Variants in TCOF1 observed in about 807,000 individuals in gnomAD.
TCOF1 encodes the protein treacle protein.
A neutral mutation model predicts 149.0 loss-of-function variants in TCOF1; 33 were observed. The ratio of observed to expected loss-of-function variants is 0.22; its 90% CI spans 0.17 to 0.30. The LOEUF is 0.30. Ranked by LOEUF, TCOF1 falls within the 10% of genes least tolerant of loss-of-function variation. The pLI is 1.00. For synonymous variants in TCOF1, 789 were observed against 738.8 expected (o/e 1.07, Z -1.10); for missense variants, 1,728 against 1,840.7 (o/e 0.94, Z 1.12).
At chr5:150,383,078 A>T (rs1248682297) in intron 17 of TCOF1, 3 of 1,535,944 alleles carry the variant, frequency 2.0e-6, no homozygotes, top group Non-Finnish European at 2.6e-6. Context: ...AGTAACTCCA[A>T]ACCTGCCAGA....
chr5:150,385,231 A>G (rs538980198), intron 17 of TCOF1, among the ~76,000 whole-genome samples: 1 of 152,312 alleles, frequency 6.6e-6, no homozygotes, highest in East Asian at 1.9e-4. Context: ...CCTGCTCTCA[A>G]AGTTTTAGGT....
At chr5:150,368,074 A>T in intron 4 of TCOF1, 157 bp downstream of exon 4, 1 of 737,186 alleles carries the variant, frequency 1.4e-6, no homozygotes, top group Non-Finnish European at 2.3e-6. Context: ...TAGTCCCTTC[A>T]CCTCTCTGGG....
chr5:150,397,667 G>A (rs914138105), intron 24 of TCOF1, among the ~76,000 whole-genome samples: 14 of 152,308 alleles, frequency 9.2e-5, no homozygotes, highest in African/African-American at 3.4e-4. Flanking sequence ...GAGCCAGCTC[G>A]TTCTGGAACA....
At chr5:150,374,144 G>A (rs777537066) in intron 7 of TCOF1, 30 bp from the exon 8 acceptor site, 2 of 1,598,632 alleles carry the variant, frequency 1.3e-6, no homozygotes, top group Admixed American at 1.7e-5. Flanking sequence ...TCACAAGCAG[G>A]AGAGCAAGCT....
chr5:150,362,181 G>T (rs1215247175), intron 2 of TCOF1, among the ~76,000 whole-genome samples: 3 of 152,198 alleles, frequency 2.0e-5, no homozygotes, highest in African/African-American at 7.2e-5. Flanking sequence ...ACTCAGTTTG[G>T]AGGGGAAAGA....
chr5:150,372,974 G>A (rs1323508167), intron 7 of TCOF1, among the ~76,000 whole-genome samples: 1 of 152,150 alleles, frequency 6.6e-6, no homozygotes, highest in African/African-American at 2.4e-5. Context: ...GTGACAAATT[G>A]TTGTTCCCAC....
rs1225578423 is a variant in TCOF1 at position 150,388,217 on chromosome 5, T to C, written c.3046+129T>C. 6 of 1,249,308 alleles carry C rather than the reference T, an allele frequency of 4.8e-6. No homozygotes were observed. In the East Asian group the frequency reaches 1.0e-4, roughly 21 times the overall value. The allele number at this position is 1,249,308 out of a possible 1,614,324, so 77.4% of individuals were successfully genotyped here. On this transcript the variant is annotated intron_variant, in intron 18 of 26. Coordinates refer to ENST00000643257, the MANE Select transcript of TCOF1 (RefSeq NM_001371623.1). The stretch of plus-strand genomic sequence containing the variant: ...GTCGGGAGGGGCTTGGGGTCAGGTC[T>C]CTGGGCCCTGCATTAGCCATTCTGA...
At chr5:150,388,132 T>A (rs1766659681) in intron 18 of TCOF1, 44 bp downstream of exon 18, 1 of 1,610,738 alleles carries the variant, frequency 6.2e-7, no homozygotes, top group East Asian at 2.2e-5. Flanking sequence ...CTGCCAGCAC[T>A]GCCCCACATT....
rs1159163446 is a variant in TCOF1, at chr5:150,398,380, A to G, written c.4372A>G (p.Lys1458Glu). 1 of 1,607,808 alleles carries G rather than the reference A, an allele frequency of 6.2e-7. No individual in the cohort carries two copies. Among genetic ancestry groups the G allele is most frequent in the Admixed American group, 1.7e-5 (1 of 59,716 alleles). The change falls in exon 25 of 27, where the codon AAG becomes GAG. Residue 1458 changes from lysine to glutamate, a missense_variant. Transcript: ENST00000643257. ...KRKKDKEKKE[K>E]KKKAKKASTK... is the part of the protein sequence containing the mutation. ...AAAAAAAGACAAAGAAAAAAAAGAA[A>G]AGAAGAAGAAAGCAAAAAAGGCCTC...
intron 5 of TCOF1, 80 bp downstream of exon 5, chr5:150,368,982 G>A: frequency 1.9e-6 from 3 of 1,564,044 alleles, no homozygotes; most frequent in Non-Finnish European, 2.6e-6. Context: ...TTTAAGTTCT[G>A]GGACATTTCT....
rs57471055 is a variant in TCOF1, at chr5:150,367,331, G to A, written c.305-513G>A. ...GTAAATAAATAAGCACTGAGAATCA[G>A]TGAATATCGATATCTAACGGGGCCC... On this transcript the variant is annotated intron_variant, in intron 3 of 26. Transcript: ENST00000643257. Among the ~76,000 whole-genome samples the A allele has an allele frequency of 8.4e-3, 1,279 of 152,252 alleles. 15 individuals are homozygous for A. The highest frequency in any genetic ancestry group is 0.023 in the African/African-American group (946 of 41,532).
chr5:150,367,978 G>A (rs1000692827), intron 4 of TCOF1, 61 bp downstream of exon 4: 1 of 1,573,874 alleles, frequency 6.4e-7, no homozygotes, highest in Non-Finnish European at 8.7e-7. Flanking sequence ...GTAGGGGACA[G>A]TCTTACATGT....
chr5:150,381,818 G>A (rs1294100920), intron 17 of TCOF1, among the ~76,000 whole-genome samples: 3 of 152,212 alleles, frequency 2.0e-5, no homozygotes, highest in African/African-American at 7.2e-5. Context: ...GGTTCCTTTA[G>A]CTGAGCGTCA....
rs763585080 is a variant in TCOF1, at chr5:150,371,996, C to T, written c.640-10C>T. 1 of 1,610,324 alleles carries T rather than the reference C, an allele frequency of 6.2e-7. No homozygotes were observed. The highest frequency in any genetic ancestry group is 1.1e-5 in the South Asian group (1 of 91,024). ...ATTATTCATTTTCTAATTCCATCCT[C>T]TTGTTCCAGGGGAAACCCTCAGTAA... On this transcript the variant is annotated splice_polypyrimidine_tract_variant and intron_variant, in intron 6 of 26. Transcript: ENST00000643257.
chr5:150,358,173 C>T (rs913155623), intron 1 of TCOF1, among the ~76,000 whole-genome samples: 4 of 152,122 alleles, frequency 2.6e-5, no homozygotes, highest in African/African-American at 9.7e-5. Context: ...TCCTAAGTCT[C>T]CCGCCACGTG....
rs752201179 is a variant in TCOF1 at position 150,391,658 on chromosome 5, G to A, written c.3297+1G>A. Reference sequence around the variant, plus strand: ...TGCCAGGACCCAGCCTTCAAGTGGGGTGAGCTTGGGGAGCCAGGGGAAGCA... The same window carrying A: ...TGCCAGGACCCAGCCTTCAAGTGGGATGAGCTTGGGGAGCCAGGGGAAGCA... On this transcript the variant is annotated splice_donor_variant, in intron 20 of 26. Transcript: ENST00000643257. LOFTEE classifies it high-confidence loss of function. The A allele has an allele frequency of 4.3e-6, 7 of 1,613,130 alleles. No homozygotes were observed. The highest frequency in any genetic ancestry group is 5.9e-6 in the Non-Finnish European group (7 of 1,179,582).
Position 150,388,182 on chromosome 5 carries a change from C to G in TCOF1, c.3046+94C>G, listed in dbSNP as rs1048839977. On this transcript the variant is annotated intron_variant, in intron 18 of 26. Coordinates refer to ENST00000643257, the MANE Select transcript of TCOF1 (RefSeq NM_001371623.1). ...ACAGGACACTGGCTGAGTCACATAG[C>G]AAGGTGTTGGTCGGGAGGGGCTTGG... 1.9e-6 allele frequency: 3 copies of G among 1,551,240 alleles called. No individual in the cohort carries two copies. The African/African-American group carries it at 4.1e-5, about 21-fold the overall frequency.
At position 150,378,720 on chromosome 5, in the gene TCOF1, A is replaced by G. The variant is rs576426146; in HGVS notation, c.2341-185A>G. The G allele has an allele frequency of 2.0e-5, 15 of 737,074 alleles. No homozygotes were observed. In the East Asian group the frequency reaches 3.8e-4, roughly 19 times the overall value. 45.7% of individuals were successfully genotyped at this position (737,074 alleles called of 1,614,324 possible). A position where few individuals can be genotyped will look rare whatever the true frequency, so the allele number is the denominator to read the frequency against. ...TAACCCGTAGGTGGGCCTTATTATT[A>G]TCTCCATTTGATAGAGGACTGAACT... On this transcript the variant is annotated intron_variant, in intron 14 of 26. Coordinates refer to ENST00000643257, the MANE Select transcript of TCOF1 (RefSeq NM_001371623.1).
chr5:150,389,814 T>C, intron 18 of TCOF1, 73 bp from the exon 19 acceptor site: 1 of 1,612,460 alleles, frequency 6.2e-7, no homozygotes, highest in Non-Finnish European at 8.5e-7. Flanking sequence ...GCCGGTAAAT[T>C]GGGTTATTGC....
Sources: gnomAD v4.1 joint callset for allele counts (sites outside exome capture counted in the v4.1 genomes callset) on GRCh38, gnomAD v4.1.1 for gene constraint, MANE v1.5 for transcripts, NCBI Gene and HGNC (gene_info 2026-07-23, HGNC 2026-07-21) for gene names.